CDH4: variants seen among roughly 807,000 people sequenced by gnomAD.
CDH4 encodes the protein cadherin-4.
A neutral mutation model predicts 86.0 loss-of-function variants in CDH4; 33 were observed. The ratio of observed to expected loss-of-function variants is 0.38; its 90% CI spans 0.29 to 0.51. CDH4 has a LOEUF of 0.51. Among genes scored for constraint, CDH4 ranks in the 20% least tolerant of loss-of-function variants. CDH4 has a pLI of 0.86. For missense variants in CDH4, 1,114 were observed against 1,307.4 expected, an observed-to-expected ratio of 0.85 and a Z score of 2.28; for synonymous variants, 555 against 549.4, an observed-to-expected ratio of 1.01 and a Z score of -0.14.
In CDH4 at chr20:61,676,302, GAAATGAATAGTGC is replaced by G. The variant is rs1220152987; in HGVS notation, c.170-67260_170-67248del. Among the ~76,000 whole-genome samples, 1 of 152,216 alleles carries G rather than the reference GAAATGAATAGTGC, an allele frequency of 6.6e-6. No homozygotes were observed. The highest frequency in any genetic ancestry group is 2.4e-5 in the African/African-American group (1 of 41,458). ...ACAATCTTTATAAAACTCAGGTTAG[GAAATGAATAGTGC>G]GATTGAATACTGCGGCCCCCAGAGG... On this transcript the variant is annotated intron_variant, in intron 2 of 15. Transcript: ENST00000614565. This position sits in a 1 kb window ranked among gnomAD's most constrained non-coding sequence, Gnocchi z 4.5.
intron 3 of CDH4, among the ~76,000 whole-genome samples, chr20:61,756,303 G>A (rs6121798): frequency 0.22 from 33,971 of 152,184 alleles, 4,020 homozygotes; most frequent in East Asian, 0.3. Flanking sequence ...GCTGGGGGCT[G>A]TGGGACTGTC....
chr20:61,521,308 CA>C (rs1568875499), intron 2 of CDH4, among the ~76,000 whole-genome samples: 1 of 152,218 alleles, frequency 6.6e-6, no homozygotes, highest in Non-Finnish European at 1.5e-5. Context: ...GGCAGCTAGA[CA>C]GCAAAACCAG....
rs1028395558 is a variant in CDH4, at chr20:61,676,158, G to A, written c.170-67405G>A. Among the ~76,000 whole-genome samples the A allele has an allele frequency of 1.3e-5, 2 of 152,190 alleles. No homozygotes were observed. Among genetic ancestry groups the A allele is most frequent in the African/African-American group, 2.4e-5 (1 of 41,442 alleles). ...TTCTCTGAATGGGGCCTGCCAGTTCGAATTTGCACGTGCAGAAAATCACAT... is the reference window on the plus strand; with the variant it reads ...TTCTCTGAATGGGGCCTGCCAGTTCAAATTTGCACGTGCAGAAAATCACAT... On this transcript the variant is annotated intron_variant, in intron 2 of 15. Transcript: ENST00000614565. This position sits in a 1 kb window ranked among gnomAD's most constrained non-coding sequence, Gnocchi z 4.5.
chr20:61,695,705 G>A (rs1388955050), intron 2 of CDH4, among the ~76,000 whole-genome samples: 1 of 152,224 alleles, frequency 6.6e-6, no homozygotes, highest in Non-Finnish European at 1.5e-5. Flanking sequence ...CACAGTGTCT[G>A]AGAGAGGAGC....
chr20:61,457,131 T>G (rs987589680), intron 2 of CDH4, among the ~76,000 whole-genome samples: 11 of 152,138 alleles, frequency 7.2e-5, no homozygotes, highest in African/African-American at 2.7e-4. Context: ...TCCGTGAGGT[T>G]CACAGACAAG....
intron 2 of CDH4, among the ~76,000 whole-genome samples, chr20:61,591,646 C>T (rs1243998839): frequency 6.6e-6 from 1 of 152,208 alleles, no homozygotes; most frequent in Non-Finnish European, 1.5e-5. Flanking sequence ...ACGTTAGTTG[C>T]AGCATGAAAG....
At chr20:61,492,244 TTGCTGA>T (rs1316480342) in intron 2 of CDH4, among the ~76,000 whole-genome samples, 34 of 151,816 alleles carry the variant, frequency 2.2e-4, no homozygotes, top group African/African-American at 8.0e-4. Flanking sequence ...GGTGTTGATG[TTGCTGA>T]TGCTGATGGT....
chr20:61,420,505 A>G (rs1335508675), intron 2 of CDH4, among the ~76,000 whole-genome samples: 2 of 152,258 alleles, frequency 1.3e-5, no homozygotes, highest in Non-Finnish European at 2.9e-5. Context: ...TCGCCACTGA[A>G]AACAAAATAA....
chr20:61,342,615 G>A (rs947593194), intron 2 of CDH4, among the ~76,000 whole-genome samples: 1 of 152,230 alleles, frequency 6.6e-6, no homozygotes, highest in Admixed American at 6.5e-5. Flanking sequence ...CACCTGCGAT[G>A]CAGCCCTGTT....
intron 4 of CDH4, among the ~76,000 whole-genome samples, chr20:61,774,743 T>G (rs1191142435): frequency 2.0e-5 from 3 of 152,222 alleles, no homozygotes; most frequent in Non-Finnish European, 4.4e-5. Context: ...TTCTCATCAT[T>G]CAGCTCCCAC....
chr20:61,876,611 C>T (rs1400234469), intron 7 of CDH4, among the ~76,000 whole-genome samples: 1 of 152,092 alleles, frequency 6.6e-6, no homozygotes, highest in African/African-American at 2.4e-5. Flanking sequence ...AGCAGTCTTC[C>T]CTTAGGGCCG....
chr20:61,358,093 C>G (rs920253343), intron 2 of CDH4, among the ~76,000 whole-genome samples: 4 of 152,186 alleles, frequency 2.6e-5, no homozygotes, highest in African/African-American at 9.7e-5. Context: ...GGACTCATAA[C>G]TGTGGGTTGT....
intron 2 of CDH4, among the ~76,000 whole-genome samples, chr20:61,497,717 A>C (rs993153659): frequency 1.3e-5 from 2 of 152,206 alleles, no homozygotes; most frequent in African/African-American, 4.8e-5. Context: ...GTATATACCC[A>C]AAGGACTGTA....
intron 8 of CDH4, among the ~76,000 whole-genome samples, chr20:61,896,246 T>G (rs1445375658): frequency 6.6e-6 from 1 of 151,928 alleles, no homozygotes; most frequent in Non-Finnish European, 1.5e-5. Context: ...GACTCTGGGC[T>G]CCGGGAGGCT....
At chr20:61,702,880 A>G (rs148426530) in intron 2 of CDH4, among the ~76,000 whole-genome samples, 2 of 152,338 alleles carry the variant, frequency 1.3e-5, no homozygotes, top group Non-Finnish European at 2.9e-5. Context: ...ACCTTCCTGC[A>G]AAGCAAATCA....
intron 2 of CDH4, among the ~76,000 whole-genome samples, chr20:61,302,227 G>A (rs2084389741): frequency 6.6e-6 from 1 of 152,224 alleles, no homozygotes; most frequent in Non-Finnish European, 1.5e-5. Context: ...TTCCGTGTGA[G>A]GGCCAGGGAG....
At position 61,924,355 on chromosome 20, in the gene CDH4, A is replaced by C; in HGVS notation, c.1650A>C (p.Pro550=). 3 of 1,570,432 alleles carry C rather than the reference A, an allele frequency of 1.9e-6. No homozygotes were observed. Among genetic ancestry groups the C allele is most frequent in the Non-Finnish European group, 2.6e-6 (3 of 1,156,920 alleles). The change falls in exon 11 of 16, where the codon CCA becomes CCC. Residue 550 remains proline, a synonymous_variant. Coordinates refer to ENST00000614565, the MANE Select transcript of CDH4 (RefSeq NM_001794.5). The stretch of plus-strand genomic sequence containing the variant: ...GCAGATACTCAAAGCTGTCAGACCC[A>C]GCGAGCTGGCTGCACATCAATGCCA... ...QAVRYSKLSD[P]ASWLHINATN... is the part of the protein sequence containing the mutation.
chr20:61,798,763 G>A (rs62206276), intron 4 of CDH4, among the ~76,000 whole-genome samples: 22,974 of 152,232 alleles, frequency 0.15, 1,854 homozygotes, highest in East Asian at 0.24. Context: ...GGAGTCCTCC[G>A]CAGCAGCCCC....
At chr20:61,464,236 C>A (rs1282395739) in intron 2 of CDH4, among the ~76,000 whole-genome samples, 1 of 152,216 alleles carries the variant, frequency 6.6e-6, no homozygotes, top group Non-Finnish European at 1.5e-5. Flanking sequence ...GAGAGGGATA[C>A]AAAAGGAAGG....
Sources: allele counts gnomAD v4.1 joint callset (sites outside exome capture counted in the v4.1 genomes callset), GRCh38; gene constraint gnomAD v4.1.1; non-coding constraint Gnocchi (gnomAD v3.1); transcripts MANE v1.5; gene names NCBI Gene and HGNC (gene_info 2026-07-23, HGNC 2026-07-21).